Variants in TAF8 observed in about 807,000 individuals in gnomAD.
The protein encoded by TAF8 is transcription initiation factor TFIID subunit 8.
TAF8 carries 47 observed loss-of-function variants against 36.5 expected under a neutral mutation model. The ratio of observed to expected loss-of-function variants is 1.29; its 90% confidence interval spans 1.02 to 1.64. TAF8 has a LOEUF of 1.64. Ranked by LOEUF, TAF8 falls within the 40% of genes most tolerant of loss-of-function variation. The pLI is 0.00. For missense variants in TAF8, 420 were observed against 407.6 expected, an observed-to-expected ratio of 1.03 and a Z score of -0.26; for synonymous variants, 175 against 159.5, an observed-to-expected ratio of 1.10 and a Z score of -0.73.
chr6:42,065,073 C>T (rs568510734), intron 5 of TAF8, among the ~76,000 whole-genome samples: 8 of 150,504 alleles, frequency 5.3e-5, no homozygotes, highest in Non-Finnish European at 7.4e-5. Flanking sequence ...CGGCTGGGCG[C>T]GGTGACTCAC....
chr6:42,058,979 A>G (rs1456219775), intron 5 of TAF8, among the ~76,000 whole-genome samples: 1 of 151,950 alleles, frequency 6.6e-6, no homozygotes, highest in Non-Finnish European at 1.5e-5. Context: ...GAGTTTTATT[A>G]TTACTCAAAT....
intron 7 of TAF8, among the ~76,000 whole-genome samples, chr6:42,070,499 A>C (rs980897216): frequency 6.6e-6 from 1 of 152,176 alleles, no homozygotes; most frequent in African/African-American, 2.4e-5. Context: ...CTCAAAAGAA[A>C]AGAACTGAAA....
At chr6:42,077,351 G>A in intron 8 of TAF8, 112 bp downstream of exon 8, 1 of 1,502,964 alleles carries the variant, frequency 6.7e-7, no homozygotes. Flanking sequence ...AGCCACTCTG[G>A]TGAGAGGGAA....
intron 5 of TAF8, among the ~76,000 whole-genome samples, chr6:42,065,930 C>T (rs1436695024): frequency 1.3e-5 from 2 of 152,112 alleles, no homozygotes; most frequent in Non-Finnish European, 2.9e-5. Context: ...GACAGAGTCT[C>T]GCTCCTGCTG....
chr6:42,050,850 C>T, intron 1 of TAF8: 5 of 1,064,456 alleles, frequency 4.7e-6, no homozygotes, highest in Non-Finnish European at 6.0e-6. Context: ...ATGCCGTTTT[C>T]GCCTTCTTAT....
chr6:42,068,448 C>G lies in TAF8; in HGVS notation c.638-17C>G, dbSNP rs754096744. 2.1e-5 allele frequency: 34 copies of G among 1,613,598 alleles called. No homozygotes were observed. In the East Asian group the frequency reaches 3.6e-4, roughly 17 times the overall value. On this transcript the variant is annotated splice_polypyrimidine_tract_variant and intron_variant, in intron 6 of 8. Coordinates refer to ENST00000372977, the MANE Select transcript of TAF8 (RefSeq NM_138572.3). ...TCTCTGTGACAGTGGACTCATGCCTCTCTTCCAATTCGCCAGTGATTGCTG... is the reference window on the plus strand; with the variant it reads ...TCTCTGTGACAGTGGACTCATGCCTGTCTTCCAATTCGCCAGTGATTGCTG...
At chr6:42,086,586 A>G, downstream of TAF8, 1 of 895,476 alleles carries the variant, frequency 1.1e-6, no homozygotes, top group Non-Finnish European at 1.8e-6. Flanking sequence ...AAACCTTTTA[A>G]ATCATCACAA....
chr6:42,061,670 A>G (rs1418492540), intron 5 of TAF8, among the ~76,000 whole-genome samples: 1 of 152,222 alleles, frequency 6.6e-6, no homozygotes, highest in Non-Finnish European at 1.5e-5. Context: ...ATTTTGGAAC[A>G]TATACCAATA....
chr6:42,053,579 GAAAAAA>G (rs941334819), intron 2 of TAF8, among the ~76,000 whole-genome samples: 1 of 135,170 alleles, frequency 7.4e-6, no homozygotes, highest in Non-Finnish European at 1.6e-5. Context: ...AAAAAAAAAA[GAAAAAA>G]AAAGAAGAAG....
intron 2 of TAF8, 24 bp from the exon 3 acceptor site, chr6:42,055,507 T>G: frequency 6.6e-7 from 1 of 1,522,648 alleles, no homozygotes; most frequent in Non-Finnish European, 9.1e-7. Context: ...GAGAATAAGT[T>G]TTATGCCTTT....
chr6:42,072,093 C>G (rs1041846726), intron 7 of TAF8, among the ~76,000 whole-genome samples: 1 of 152,170 alleles, frequency 6.6e-6, no homozygotes, highest in Non-Finnish European at 1.5e-5. Context: ...AGTCTATTTT[C>G]TTGTAAGTAG....
intron 5 of TAF8, among the ~76,000 whole-genome samples, chr6:42,060,574 G>A (rs1765156562): frequency 6.6e-6 from 1 of 152,120 alleles, no homozygotes; most frequent in Non-Finnish European, 1.5e-5. Context: ...ATAGCTTGGG[G>A]TTCCTGAGCC....
chr6:42,062,060 T>C (rs1765209720), intron 5 of TAF8, among the ~76,000 whole-genome samples: 1 of 152,174 alleles, frequency 6.6e-6, no homozygotes, highest in Admixed American at 6.5e-5. Flanking sequence ...TCCTCTTTTT[T>C]TTCCCTGCCA....
rs1765363830 is a variant in TAF8, at chr6:42,066,413, A to G, written c.591A>G (p.Thr197=). ...CACTTACCCGTTTCATGGCCAAGACAGGCGAGACTCAGAGTCTTTTCAAAG... is the reference window on the plus strand; with the variant it reads ...CACTTACCCGTTTCATGGCCAAGACGGGCGAGACTCAGAGTCTTTTCAAAG... ...ERALTRFMAK[T]GETQSLFKDD... Residue 197 remains threonine (T), a synonymous_variant, in exon 6 of 9, where the codon ACA becomes ACG. Transcript: ENST00000372977. 1 of 1,614,126 alleles carries G rather than the reference A, an allele frequency of 6.2e-7. No individual in the cohort carries two copies. The highest frequency in any genetic ancestry group is 8.5e-7 in the Non-Finnish European group (1 of 1,180,056).
At chr6:42,085,884 C>CCT (rs1377574946), downstream of TAF8, among the ~76,000 whole-genome samples, 1 of 152,212 alleles carries the variant, frequency 6.6e-6, no homozygotes, top group African/African-American at 2.4e-5. Flanking sequence ...ACTCGGGAGG[C>CCT]TGAGGCAGGA....
chr6:42,070,340 A>T (rs113867213), intron 7 of TAF8, among the ~76,000 whole-genome samples: 1 of 151,764 alleles, frequency 6.6e-6, no homozygotes, highest in East Asian at 1.9e-4. Flanking sequence ...TACAAAAAAA[A>T]AATTAGCCAG....
intron 1 of TAF8, 158 bp from the exon 2 acceptor site, chr6:42,051,199 T>C (rs2127446790): frequency 7.8e-7 from 1 of 1,288,872 alleles, no homozygotes. Flanking sequence ...GGGTGCTCAA[T>C]TTTTACTCAG....
At position 42,079,216 on chromosome 6, in the gene TAF8, A is replaced by C; in HGVS notation, c.*1671A>C. On this transcript the variant is annotated 3_prime_UTR_variant, in exon 9 of 9. Transcript: ENST00000372977. ...GCTGGGCCTCATCTTGTATTCTGAA[A>C]GCTGAGAAACGGCTGGTCAGCTGGA... 1.0e-6 allele frequency: 1 copy of C among 985,650 alleles called. No homozygotes were observed. Among genetic ancestry groups the C allele is most frequent in the Non-Finnish European group, 1.2e-6 (1 of 829,962 alleles). 61.1% of individuals were successfully genotyped at this position (985,650 alleles called of 1,614,324 possible).
At chr6:42,051,676 A>G in intron 2 of TAF8, 163 bp downstream of exon 2, 1 of 699,344 alleles carries the variant, frequency 1.4e-6, no homozygotes, top group Non-Finnish European at 2.2e-6. Context: ...AAACAGCACA[A>G]TGGGCCGAGC....
Sources: gnomAD v4.1 joint callset for allele counts (sites outside exome capture counted in the v4.1 genomes callset) on GRCh38, gnomAD v4.1.1 for gene constraint, MANE v1.5 for transcripts, NCBI Gene and HGNC (gene_info 2026-07-23, HGNC 2026-07-21) for gene names.